The following DPP9 variants were observed in gnomAD, a reference collection of about 807,000 sequenced individuals.
DPP9 encodes dipeptidyl peptidase IV-related protein-2.
A neutral mutation model predicts 110.7 loss-of-function variants in DPP9; 50 were observed. The ratio of observed to expected loss-of-function variants is 0.45; its 90% CI spans 0.36 to 0.57. The LOEUF (loss-of-function observed/expected upper bound fraction) is 0.57, where lower values mean the gene tolerates loss of function less well. Ranked by LOEUF, DPP9 falls within the 20% of genes least tolerant of loss-of-function variation. The pLI is 0.00. For missense variants in DPP9, 1,022 were observed against 1,217.9 expected (o/e 0.84, Z 2.39); for synonymous variants, 561 against 514.4 (o/e 1.09, Z -1.23).
At chr19:4,721,981 T>A (rs995792993) in intron 2 of DPP9, among the ~76,000 whole-genome samples, 8 of 152,108 alleles carry the variant, frequency 5.3e-5, no homozygotes, top group Non-Finnish European at 1.0e-4. Context: ...AGCTTCCACT[T>A]CCCCAGCGAG....
intron 11 of DPP9, 84 bp downstream of exon 11, chr19:4,697,467 G>A (rs1271922459): frequency 1.3e-5 from 16 of 1,187,088 alleles, no homozygotes; most frequent in Non-Finnish European, 1.9e-5. Context: ...GAATGGCACG[G>A]AAGGCCAGGA....
intron 10 of DPP9, 36 bp from the exon 11 acceptor site, chr19:4,697,687 G>C: frequency 1.3e-6 from 2 of 1,581,828 alleles, no homozygotes; most frequent in Non-Finnish European, 1.7e-6. Context: ...TCATGCCCTG[G>C]CCTGCCCGGC....
At position 4,675,234 on chromosome 19, in the gene DPP9, C is replaced by T. The variant is rs537688945; in HGVS notation, c.*1330G>A. On this transcript the variant is annotated 3_prime_UTR_variant, in exon 22 of 22. Coordinates refer to ENST00000262960, the MANE Select transcript of DPP9 (RefSeq NM_139159.5). ...GGAACCTCAGGCAGGTGACATGTTT[C>T]CAACTGGAATCGTTTAATGTGTCTA... 6.6e-6 allele frequency: 1 copy of T among 152,606 alleles called. No homozygotes were observed. The highest frequency in any genetic ancestry group is 6.5e-5 in the Admixed American group (1 of 15,280). 9.5% of individuals were successfully genotyped at this position (152,606 alleles called of 1,614,324 possible). A position where few individuals can be genotyped will look rare whatever the true frequency, so the allele number is the denominator to read the frequency against.
At position 4,684,647 on chromosome 19, in the gene DPP9, A is replaced by G. The variant is rs1389986873; in HGVS notation, c.2178+16T>C. 1.2e-6 allele frequency: 2 copies of G among 1,612,768 alleles called. No homozygotes were observed. Among genetic ancestry groups the G allele is most frequent in the Admixed American group, 1.7e-5 (1 of 59,902 alleles). On this transcript the variant is annotated intron_variant, in intron 18 of 21. Transcript: ENST00000262960. The surrounding 1 kb of genome is among the most constrained non-coding windows in gnomAD (Gnocchi z 4.8). ...CGAGACCCAAAGGACCCAGAGCAAC[A>G]GGGAGGAGTTGTTACCATTTGGTTT...
intron 21 of DPP9, among the ~76,000 whole-genome samples, chr19:4,677,378 A>AC (rs1418863696): frequency 6.6e-6 from 1 of 151,328 alleles, no homozygotes; most frequent in Non-Finnish European, 1.5e-5. Flanking sequence ...TCCACAAAGA[A>AC]CCCCGGGGCT....
In DPP9 at chr19:4,694,046, G is replaced by T. The variant is rs1018564117; in HGVS notation, c.1516+615C>A. 6.6e-6 allele frequency among the ~76,000 whole-genome samples: 1 copy of T among 151,120 alleles called. No homozygotes were observed. The highest frequency in any genetic ancestry group is 6.6e-5 in the Admixed American group (1 of 15,128). On this transcript the variant is annotated intron_variant, in intron 13 of 21. Transcript: ENST00000262960. This position sits in a 1 kb window ranked among gnomAD's most constrained non-coding sequence, Gnocchi z 4.0. ...CCCCTCACCCTCAAGCCTCTCGCCC[G>T]ACTGCATTTCCTTCCACCACGCACA...
At chr19:4,690,052 C>A (rs183171547) in intron 14 of DPP9, among the ~76,000 whole-genome samples, 2,474 of 152,308 alleles carry the variant, frequency 0.016, 38 homozygotes, top group Non-Finnish European at 0.027. Context: ...GGGCACCGTG[C>A]CCGAAACAGA....
At chr19:4,723,020 G>A (rs975713376) in intron 1 of DPP9, among the ~76,000 whole-genome samples, 5 of 152,190 alleles carry the variant, frequency 3.3e-5, no homozygotes, top group African/African-American at 9.6e-5. Context: ...AAGGGAGGCT[G>A]AGAGAAGGGG....
chr19:4,683,753 C>T (rs1355972219), intron 18 of DPP9, 124 bp from the exon 19 acceptor site: 1 of 1,594,040 alleles, frequency 6.3e-7, no homozygotes, highest in African/African-American at 1.3e-5. Context: ...GCTGGAAGCC[C>T]CCTGTCCTTC....
chr19:4,683,401 C>A, intron 19 of DPP9, 76 bp downstream of exon 19: 1 of 1,587,038 alleles, frequency 6.3e-7, no homozygotes, highest in South Asian at 1.1e-5. Context: ...GTGGCGCGGG[C>A]GGTGGGCAAA....
chr19:4,702,740 CA>C (rs1465306117), intron 7 of DPP9, 24 bp from the exon 8 acceptor site: 15 of 1,457,278 alleles, frequency 1.0e-5, no homozygotes, highest in Non-Finnish European at 1.4e-5. Context: ...CGGAGAGCAT[CA>C]ACAAGGGGTG....
rs2092161505 is a variant in DPP9 at position 4,700,380 on chromosome 19, G to A, written c.1013-103C>T. 1.1e-6 allele frequency: 1 copy of A among 893,428 alleles called. No individual in the cohort carries two copies. The highest frequency in any genetic ancestry group is 2.0e-5 in the South Asian group (1 of 49,012). 55.3% of individuals were successfully genotyped at this position (893,428 alleles called of 1,614,324 possible). A position where few individuals can be genotyped will look rare whatever the true frequency, so the allele number is the denominator to read the frequency against. On this transcript the variant is annotated intron_variant, in intron 9 of 21. Transcript: ENST00000262960. The surrounding 1 kb of genome is among the most constrained non-coding windows in gnomAD (Gnocchi z 4.3). ...TGTGGGGTGACGTCCACAGAGAGGTGTACAATTGGAGTGGGGGAGGCAGGA... is the reference window on the plus strand; with the variant it reads ...TGTGGGGTGACGTCCACAGAGAGGTATACAATTGGAGTGGGGGAGGCAGGA...
In DPP9 at chr19:4,682,876, G is replaced by A; in HGVS notation, c.2332-38C>T. Reference sequence around the variant, plus strand: ...GCAGACAGATGGGGGCAGAGAGAGAGAGAGAAACAGGCGTCGGGTCCTACA... The same window carrying A: ...GCAGACAGATGGGGGCAGAGAGAGAAAGAGAAACAGGCGTCGGGTCCTACA... On this transcript the variant is annotated intron_variant, in intron 19 of 21. Coordinates refer to ENST00000262960, the MANE Select transcript of DPP9 (RefSeq NM_139159.5). This position sits in a 1 kb window ranked among gnomAD's most constrained non-coding sequence, Gnocchi z 7.1. The A allele has an allele frequency of 6.4e-7, 1 of 1,558,014 alleles. No individual in the cohort carries two copies. Among genetic ancestry groups the A allele is most frequent in the Non-Finnish European group, 8.7e-7 (1 of 1,153,434 alleles).
chr19:4,711,313 T>A (rs2145864938), intron 4 of DPP9, among the ~76,000 whole-genome samples: 1 of 152,218 alleles, frequency 6.6e-6, no homozygotes, highest in African/African-American at 2.4e-5. Flanking sequence ...CACGGAGATT[T>A]GAATGATGGC....
At chr19:4,703,503 G>A (rs904033651) in intron 7 of DPP9, among the ~76,000 whole-genome samples, 3 of 151,604 alleles carry the variant, frequency 2.0e-5, no homozygotes, top group African/African-American at 7.3e-5. Context: ...AGGCGTGGTG[G>A]CGGGCACCTG....
chr19:4,706,883 G>A (rs759125886), intron 4 of DPP9, among the ~76,000 whole-genome samples: 7 of 152,170 alleles, frequency 4.6e-5, no homozygotes, highest in Admixed American at 2.0e-4. Context: ...TTACATTCGG[G>A]CCTGGACCAT....
chr19:4,697,110 A>G (rs2091874026), intron 11 of DPP9, among the ~76,000 whole-genome samples: 1 of 151,780 alleles, frequency 6.6e-6, no homozygotes, highest in Non-Finnish European at 1.5e-5. Flanking sequence ...AAAAAAAAAA[A>G]CAGGCAGAGG....
Position 4,702,706 on chromosome 19 carries a change from A to C in DPP9, c.780T>G (p.Asn260Lys). 6.3e-7 allele frequency: 1 copy of C among 1,587,288 alleles called. No homozygotes were observed. The highest frequency in any genetic ancestry group is 8.6e-7 in the Non-Finnish European group (1 of 1,166,544). Residue 260 changes from asparagine to lysine, a missense_variant, in exon 8 of 22, where the codon AAT becomes AAG. Physicochemically the swap from Asn to Lys is moderately conservative, Grantham distance 94 (BLOSUM62 0). Transcript: ENST00000262960. ...RLTFCHQGLS[N>K]VLDDPKSAGV... ...CCGCAGACTTGGGGTCATCCAGGAC[A>C]TTGGATAAACCTAGGGGGAGGGACG...
At chr19:4,683,831 C>T in intron 18 of DPP9, 3 of 1,533,230 alleles carry the variant, frequency 2.0e-6, no homozygotes, top group Non-Finnish European at 2.6e-6. Flanking sequence ...CTTGCTCTGC[C>T]ACCTCCCAGG....
Sources: gnomAD v4.1 joint callset for allele counts (sites outside exome capture counted in the v4.1 genomes callset) on GRCh38, gnomAD v4.1.1 for gene constraint, Gnocchi (gnomAD v3.1) non-coding constraint, MANE v1.5 for transcripts, NCBI Gene and HGNC (gene_info 2026-07-23, HGNC 2026-07-21) for gene names.